CEP85: variants seen among roughly 807,000 people sequenced by gnomAD.
The protein encoded by CEP85 is centrosomal protein of 85 kDa.
In CEP85, 58 loss-of-function variants were observed where a neutral mutation model predicts 93.7. The observed-to-expected ratio is 0.62, with a 90% CI of 0.50 to 0.77. The LOEUF is 0.77. Ranked by LOEUF, CEP85 falls within the 30% of genes least tolerant of loss-of-function variation. The probability of loss-of-function intolerance (pLI) is 0.00; values close to 1 mark genes in which losing one functional copy is unlikely to be tolerated. For missense variants in CEP85, 868 were observed against 922.0 expected, an observed-to-expected ratio of 0.94 and a Z score of 0.76; for synonymous variants, 314 against 338.6, an observed-to-expected ratio of 0.93 and a Z score of 0.80.
rs71581048 is a variant in CEP85 at position 26,250,925 on chromosome 1, C to CTTTTTTTTTTTTT, written c.209-4240_209-4239insTTTTTTTTTTTTT. On this transcript the variant is annotated intron_variant, in intron 3 of 13. Coordinates refer to ENST00000451429, the MANE Select transcript of CEP85 (RefSeq NM_001319944.2). ...TGAGCCAAGCTTGCCTTTTTTTTTT[C>CTTTTTTTTTTTTT]TTTTTTCTTTTTTTTTTTTTTTTTT... 1.1e-3 allele frequency among the ~76,000 whole-genome samples: 60 copies of CTTTTTTTTTTTTT among 55,118 alleles called. 7 individuals carry two copies. Among genetic ancestry groups the CTTTTTTTTTTTTT allele is most frequent in the East Asian group, 3.5e-3 (6 of 1,708 alleles). 36.2% of individuals were successfully genotyped at this position (55,118 alleles called of 152,430 possible).
Position 26,244,259 on chromosome 1 carries a change from C to G in CEP85, c.149C>G (p.Ser50Ter), listed in dbSNP as rs1319226717. ...EPFRSRFSRCSSVADSGDTAI... is the reference protein window; with the variant it reads ...EPFRSRFSRC Reference sequence around the variant, plus strand: ...TTTCGGAGCCGCTTCAGCCGCTGTTCAAGTGTAGCCGACAGTGGGGACACA... The same window carrying G: ...TTTCGGAGCCGCTTCAGCCGCTGTTGAAGTGTAGCCGACAGTGGGGACACA... Residue 50 changes from serine (S) to a stop codon, truncating the protein, a stop_gained, in exon 3 of 14, where the codon TCA becomes TGA. Transcript: ENST00000451429. LOFTEE classifies it high-confidence loss of function. 1 of 1,613,806 alleles carries G rather than the reference C, an allele frequency of 6.2e-7. No homozygotes were observed. Among genetic ancestry groups the G allele is most frequent in the African/African-American group, 1.3e-5 (1 of 74,862 alleles).
At chr1:26,252,761 T>C (rs1440584226) in intron 3 of CEP85, among the ~76,000 whole-genome samples, 1 of 152,172 alleles carries the variant, frequency 6.6e-6, no homozygotes, top group Non-Finnish European at 1.5e-5. Context: ...AGTGTGGCCT[T>C]TTATATATCC....
intron 2 of CEP85, 42 bp downstream of exon 2, chr1:26,239,880 TTC>T (rs753119944): frequency 7.0e-7 from 1 of 1,426,864 alleles, no homozygotes; most frequent in Non-Finnish European, 9.9e-7. Flanking sequence ...CTGACCTTTG[TTC>T]TGTTTTTTCA....
chr1:26,269,015 C>T (rs150434748), intron 8 of CEP85, among the ~76,000 whole-genome samples: 187 of 152,300 alleles, frequency 1.2e-3, no homozygotes, highest in African/African-American at 3.6e-3. Flanking sequence ...TCACCTACTC[C>T]GTCCTGACTC....
intron 7 of CEP85, among the ~76,000 whole-genome samples, chr1:26,260,547 A>T (rs6598950): frequency 0.88 from 133,318 of 151,990 alleles, 59,429 homozygotes; most frequent in Non-Finnish European, 0.93. Flanking sequence ...GGGTGTGTAT[A>T]TTTGCCAGTA....
intron 2 of CEP85, among the ~76,000 whole-genome samples, chr1:26,241,156 TTGG>T (rs1391290816): frequency 6.6e-6 from 1 of 152,132 alleles, no homozygotes; most frequent in African/African-American, 2.4e-5. Flanking sequence ...TGGTAAATGT[TTGG>T]TGTATTCTCT....
chr1:26,244,004 A>G (rs1376196825), intron 2 of CEP85, among the ~76,000 whole-genome samples, 162 bp from the exon 3 acceptor site: 1 of 150,490 alleles, frequency 6.6e-6, no homozygotes, highest in Non-Finnish European at 1.5e-5. Flanking sequence ...AAAAAAAAAA[A>G]AAAAAAAAAA....
chr1:26,255,272 G>A lies in CEP85; in HGVS notation c.310G>A (p.Ala104Thr), dbSNP rs2089678198. 1 of 1,614,142 alleles carries A rather than the reference G, an allele frequency of 6.2e-7. No homozygotes were observed. The highest frequency in any genetic ancestry group is 8.5e-7 in the Non-Finnish European group (1 of 1,180,038). The change falls in exon 4 of 14, where the codon GCC (alanine) becomes ACC (threonine). Residue 104 changes from alanine (A) to threonine (T), a missense_variant. Ala to Thr is a moderately conservative substitution (Grantham distance 58). Coordinates refer to ENST00000451429, the MANE Select transcript of CEP85 (RefSeq NM_001319944.2). ...VMPSTLGTSP[A>T]KPNSTPVGPS... ...GCCTTCTACTTTAGGGACCTCTCCT[G>A]CCAAGCCAAATTCTACACCTGTTGG...
chr1:26,255,137 A>G (rs757399122), intron 3 of CEP85, 34 bp from the exon 4 acceptor site: 1 of 1,571,006 alleles, frequency 6.4e-7, no homozygotes, highest in South Asian at 1.1e-5. Context: ...TTGCTACTTC[A>G]ATTTTTACTT....
rs551928909 is a variant in CEP85 at position 26,277,000 on chromosome 1, C to T, written c.2129-136C>T. ...AGTGGACCTTCAGCAGCAAATTAAC[C>T]CACTGTCCCCAGATGCTTTTTTTAA... On this transcript the variant is annotated intron_variant, in intron 13 of 13. Transcript: ENST00000451429. 30 of 985,020 alleles carry T rather than the reference C, an allele frequency of 3.0e-5. No individual in the cohort carries two copies. In the South Asian group the frequency reaches 4.3e-4, roughly 14 times the overall value. 61.0% of individuals were successfully genotyped at this position (985,020 alleles called of 1,614,324 possible).
chr1:26,274,858 T>C, intron 11 of CEP85, 106 bp from the exon 12 acceptor site: 1 of 784,752 alleles, frequency 1.3e-6, no homozygotes, highest in Non-Finnish European at 2.1e-6. Flanking sequence ...TATGAGGGTG[T>C]AGGTAGGGTG....
At chr1:26,276,036 A>G (rs1235117212) in intron 12 of CEP85, among the ~76,000 whole-genome samples, 1 of 152,112 alleles carries the variant, frequency 6.6e-6, no homozygotes, top group Non-Finnish European at 1.5e-5. Flanking sequence ...CCTAGTGGCT[A>G]CTAGCTGTCA....
intron 1 of CEP85, among the ~76,000 whole-genome samples, chr1:26,238,504 C>G (rs1368808298): frequency 2.6e-5 from 4 of 152,082 alleles, no homozygotes; most frequent in East Asian, 3.9e-4. Flanking sequence ...CCGAATTGTC[C>G]CAAACTCTTT....
chr1:26,262,132 C>A lies in CEP85; in HGVS notation c.1341+2330C>A, dbSNP rs567280631. Among the ~76,000 whole-genome samples, 13 of 152,148 alleles carry A rather than the reference C, an allele frequency of 8.5e-5. No homozygotes were observed. In the East Asian group the frequency reaches 2.5e-3, roughly 29 times the overall value. ...AACATCCTGGCCAACATGGTGAAAC[C>A]CCATCTCTACTAAAAATACAAAAAA... On this transcript the variant is annotated intron_variant, in intron 7 of 13. Coordinates refer to ENST00000451429, the MANE Select transcript of CEP85 (RefSeq NM_001319944.2).
Position 26,255,162 on chromosome 1 carries a change from T to C in CEP85, c.209-9T>C. The C allele has an allele frequency of 6.2e-7, 1 of 1,610,016 alleles. No individual in the cohort carries two copies. Among genetic ancestry groups the C allele is most frequent in the Non-Finnish European group, 8.5e-7 (1 of 1,177,210 alleles). On this transcript the variant is annotated splice_polypyrimidine_tract_variant and intron_variant, in intron 3 of 13. Transcript: ENST00000451429. ...AATTTTTACTTATGGAAGACTATTC[T>C]CTCCCCAGATTTTTGCAGCTCAAGT...
intron 2 of CEP85, among the ~76,000 whole-genome samples, chr1:26,243,261 A>G (rs960735858): frequency 2.0e-5 from 3 of 151,358 alleles, no homozygotes; most frequent in African/African-American, 4.9e-5. Flanking sequence ...TTGTTGCCCT[A>G]GGAATCATTT....
At chr1:26,267,501 T>G (rs947264447) in intron 7 of CEP85, among the ~76,000 whole-genome samples, 16 of 151,940 alleles carry the variant, frequency 1.1e-4, no homozygotes, top group Admixed American at 3.3e-4. Flanking sequence ...GAGGCGAAGG[T>G]CGCAGTGAGC....
chr1:26,265,833 T>G (rs1557664264), intron 7 of CEP85, among the ~76,000 whole-genome samples: 1 of 152,140 alleles, frequency 6.6e-6, no homozygotes, highest in Non-Finnish European at 1.5e-5. Context: ...TTAATCCTGG[T>G]ACTTTGGGAG....
chr1:26,250,942 T>TTC (rs2089602178), intron 3 of CEP85, among the ~76,000 whole-genome samples: 1 of 132,662 alleles, frequency 7.5e-6, no homozygotes, highest in African/African-American at 2.8e-5. Context: ...CTTTTTTTTT[T>TTC]TTTTTTTTTT....
Sources: gnomAD v4.1 joint callset for allele counts (sites outside exome capture counted in the v4.1 genomes callset) on GRCh38, gnomAD v4.1.1 for gene constraint, MANE v1.5 for transcripts, NCBI Gene and HGNC (gene_info 2026-07-23, HGNC 2026-07-21) for gene names.